The following PPM1K variants were observed in gnomAD, a reference collection of about 807,000 sequenced individuals.
The protein encoded by PPM1K is protein phosphatase Mn(2+)-dependent 1K.
Under a neutral mutation model 32.6 loss-of-function variants are expected in PPM1K, and 19 were observed. The ratio of observed to expected loss-of-function variants is 0.58; its 90% confidence interval spans 0.41 to 0.86. The LOEUF is 0.86. PPM1K is among the 40% of genes least tolerant of loss of function. The probability of loss-of-function intolerance (pLI) is 0.00; values close to 1 mark genes in which losing one functional copy is unlikely to be tolerated. For missense variants in PPM1K, 362 were observed against 461.2 expected, an observed-to-expected ratio of 0.78 and a Z score of 1.97; for synonymous variants, 159 against 165.3, an observed-to-expected ratio of 0.96 and a Z score of 0.29.
chr4:88,277,028 A>G (rs894580087), intron 3 of PPM1K, 115 bp downstream of exon 3: 2 of 835,180 alleles, frequency 2.4e-6, no homozygotes, highest in South Asian at 3.7e-5. Flanking sequence ...ATAAATCCTT[A>G]CAAACAATTG....
rs375385989 is a variant in PPM1K, at chr4:88,259,265, CAAA to C, written c.*3327_*3329del. On this transcript the variant is annotated 3_prime_UTR_variant, in exon 7 of 7. Transcript: ENST00000608933. Reference sequence around the variant, plus strand: ...TGTGTGACAGAGTGAGACTCCATCTCAAAAAAAAAAAAAAAGAAATACAAAATC... The same window carrying C: ...TGTGTGACAGAGTGAGACTCCATCTCAAAAAAAAAAAAGAAATACAAAATC... The C allele has an allele frequency of 3.6e-5, 4 of 110,514 alleles. No individual in the cohort carries two copies. The highest frequency in any genetic ancestry group is 3.6e-5 in the Non-Finnish European group (2 of 55,848). The allele number at this position is 110,514 out of a possible 1,614,324, so 6.8% of individuals were successfully genotyped here. A position where few individuals can be genotyped will look rare whatever the true frequency, so the allele number is the denominator to read the frequency against.
chr4:88,271,180 G>GCACAC (rs923964730), intron 3 of PPM1K: 1 of 508,434 alleles, frequency 2.0e-6, no homozygotes. Flanking sequence ...TGCTGACCAG[G>GCACAC]CACAGTTCTC....
chr4:88,270,132 A>G (rs1011146256), intron 3 of PPM1K, among the ~76,000 whole-genome samples: 1 of 152,198 alleles, frequency 6.6e-6, no homozygotes, highest in African/African-American at 2.4e-5. Context: ...TTAAGACTCA[A>G]TCTTTCCAAG....
intron 3 of PPM1K, 146 bp downstream of exon 3, chr4:88,276,997 T>C (rs1731790817): frequency 2.9e-6 from 2 of 696,466 alleles, no homozygotes; most frequent in Non-Finnish European, 4.7e-6. Flanking sequence ...AATGTGATTC[T>C]TCATATAAAC....
At chr4:88,272,121 C>G (rs534602609) in intron 3 of PPM1K, among the ~76,000 whole-genome samples, 1 of 152,120 alleles carries the variant, frequency 6.6e-6, no homozygotes, top group East Asian at 1.9e-4. Context: ...ATGTATAAAC[C>G]AATACAGTTT....
rs1731251352 is a variant in PPM1K at position 88,265,031 on chromosome 4, G to A, written c.957C>T (p.Pro319=). The A allele has an allele frequency of 6.2e-7, 1 of 1,614,004 alleles. No individual in the cohort carries two copies. The highest frequency in any genetic ancestry group is 8.5e-7 in the Non-Finnish European group (1 of 1,180,020). ...CAGTCACCGCATGGGCTGCTTCGTT[G>A]GGATCATGGCACTGATTGACAAAGT... The part of the protein sequence containing the change: ...ICDFVNQCHD[P]NEAAHAVTEQ... The change falls in exon 6 of 7, where the codon CCC becomes CCT. Residue 319 remains proline (P), a synonymous_variant. Coordinates refer to ENST00000608933, the MANE Select transcript of PPM1K (RefSeq NM_152542.5).
chr4:88,268,128 G>T, intron 5 of PPM1K, 62 bp downstream of exon 5: 1 of 1,552,874 alleles, frequency 6.4e-7, no homozygotes, highest in Non-Finnish European at 8.8e-7. Flanking sequence ...GAAAGGTGCA[G>T]CAGAGACAAT....
Position 88,265,030 on chromosome 4 carries a change from T to G in PPM1K, c.958A>C (p.Asn320His). 4 of 1,614,172 alleles carry G rather than the reference T, an allele frequency of 2.5e-6. No individual in the cohort carries two copies. The highest frequency in any genetic ancestry group is 3.4e-6 in the Non-Finnish European group (4 of 1,180,032). ...CDFVNQCHDP[N>H]EAAHAVTEQA... is the part of the protein sequence containing the mutation. The stretch of plus-strand genomic sequence containing the variant: ...TCAGTCACCGCATGGGCTGCTTCGT[T>G]GGGATCATGGCACTGATTGACAAAG... The change falls in exon 6 of 7, where the codon AAC (asparagine) becomes CAC (histidine). Residue 320 changes from asparagine (N) to histidine (H), a missense_variant. Transcript: ENST00000608933.
chr4:88,283,178 G>A (rs373004696), intron 1 of PPM1K, among the ~76,000 whole-genome samples: 1 of 152,122 alleles, frequency 6.6e-6, no homozygotes, highest in African/African-American at 2.4e-5. Flanking sequence ...GCAGTGGTGC[G>A]ATCTCGGCTC....
rs145342890 is a variant in PPM1K at position 88,274,513 on chromosome 4, G to A, written c.541+2630C>T. Among the ~76,000 whole-genome samples, 27 of 152,252 alleles carry A rather than the reference G, an allele frequency of 1.8e-4. 1 individual carries two copies. Among genetic ancestry groups the A allele is most frequent in the East Asian group, 5.8e-4 (3 of 5,174 alleles). ...TCACCTCACAGGAAGGGTTCAAGAA[G>A]AGGGGAAAGGGGTTAATACTAAAAG... On this transcript the variant is annotated intron_variant, in intron 3 of 6. Coordinates refer to ENST00000608933, the MANE Select transcript of PPM1K (RefSeq NM_152542.5).
chr4:88,278,302 A>G lies in PPM1K; in HGVS notation c.282T>C (p.Asn94=). The change falls in exon 2 of 7, where the codon AAT becomes AAC. Residue 94 remains asparagine (N), a synonymous_variant. Coordinates refer to ENST00000608933, the MANE Select transcript of PPM1K (RefSeq NM_152542.5). This position sits in a 1 kb window ranked among gnomAD's most constrained non-coding sequence, Gnocchi z 4.2. ...GKPIPKISLE[N]VGCASQIGKR... is the part of the protein sequence containing the mutation. Reference sequence around the variant, plus strand: ...TGCCAATCTGTGAGGCGCACCCCACATTTTCCAAGCTGATTTTGGGAATTG... The same window carrying G: ...TGCCAATCTGTGAGGCGCACCCCACGTTTTCCAAGCTGATTTTGGGAATTG... The G allele has an allele frequency of 6.2e-7, 1 of 1,614,058 alleles. No individual in the cohort carries two copies. The highest frequency in any genetic ancestry group is 1.1e-5 in the South Asian group (1 of 91,074).
chr4:88,268,664 G>A (rs1041927040), intron 4 of PPM1K, 77 bp downstream of exon 4: 6 of 1,381,006 alleles, frequency 4.3e-6, no homozygotes, highest in Non-Finnish European at 6.0e-6. Flanking sequence ...ACTTAACCAT[G>A]ACATCAGTTT....
intron 3 of PPM1K, chr4:88,275,015 T>A: frequency 1.3e-6 from 1 of 741,390 alleles, no homozygotes; most frequent in Non-Finnish European, 1.6e-6. Context: ...TTTCTTTTAG[T>A]ACACACTAAG....
intron 6 of PPM1K, among the ~76,000 whole-genome samples, chr4:88,263,178 A>C (rs1317494478): frequency 6.6e-6 from 1 of 152,232 alleles, no homozygotes; most frequent in African/African-American, 2.4e-5. Flanking sequence ...AAGACAAAAA[A>C]ACTAGCCATA....
chr4:88,268,295 C>T lies in PPM1K; in HGVS notation c.747G>A (p.Leu249=). Residue 249 remains leucine (L), a synonymous_variant, in exon 5 of 7, where the codon TTG becomes TTA. Coordinates refer to ENST00000608933, the MANE Select transcript of PPM1K (RefSeq NM_152542.5). ...GCCTGCCATTTACGTGAGGCTGCCC[C>T]AAACTATTCCAAGCTACAAAACCAC... The part of the protein sequence containing the change: ...KCGGFVAWNS[L]GQPHVNGRLA... 1.9e-6 allele frequency: 3 copies of T among 1,614,124 alleles called. No homozygotes were observed. The highest frequency in any genetic ancestry group is 2.5e-6 in the Non-Finnish European group (3 of 1,180,012).
At position 88,260,031 on chromosome 4, in the gene PPM1K, C is replaced by T. The variant is rs936195214; in HGVS notation, c.*2564G>A. The T allele has an allele frequency of 2.6e-5, 4 of 152,156 alleles. No individual in the cohort carries two copies. Among genetic ancestry groups the T allele is most frequent in the African/African-American group, 7.2e-5 (3 of 41,444 alleles). The allele number at this position is 152,156 out of a possible 1,614,324, so 9.4% of individuals were successfully genotyped here. Reference sequence around the variant, plus strand: ...GAATAGTAATGTAAAGCATTCAAAACAAAAATGAAACCTGCATATTTGTTT... The same window carrying T: ...GAATAGTAATGTAAAGCATTCAAAATAAAAATGAAACCTGCATATTTGTTT... On this transcript the variant is annotated 3_prime_UTR_variant, in exon 7 of 7. Transcript: ENST00000608933.
chr4:88,270,843 A>C, intron 3 of PPM1K, among the ~76,000 whole-genome samples: 1 of 152,238 alleles, frequency 6.6e-6, no homozygotes, highest in Non-Finnish European at 1.5e-5. Context: ...CTTCAAAACT[A>C]ACTGTCAATT....
rs1221722422 is a variant in PPM1K, at chr4:88,259,921, C to T, written c.*2674G>A. 3 of 152,230 alleles carry T rather than the reference C, an allele frequency of 2.0e-5. No individual in the cohort carries two copies. The highest frequency in any genetic ancestry group is 7.2e-5 in the African/African-American group (3 of 41,440). The allele number at this position is 152,230 out of a possible 1,614,324, so 9.4% of individuals were successfully genotyped here. ...AAAAAACAAAAACAGACAAACTTGG[C>T]TATCTACCTCAATCCATCAATCACC... On this transcript the variant is annotated 3_prime_UTR_variant, in exon 7 of 7. Transcript: ENST00000608933.
At chr4:88,265,226 C>T (rs1275440833) in intron 5 of PPM1K, 91 bp from the exon 6 acceptor site, 37 of 1,478,876 alleles carry the variant, frequency 2.5e-5, no homozygotes, top group African/African-American at 6.9e-5. Context: ...TTTTGCTAAG[C>T]GGTCATCTGT....
Sources: gnomAD v4.1 joint callset for allele counts (sites outside exome capture counted in the v4.1 genomes callset) on GRCh38, gnomAD v4.1.1 for gene constraint, Gnocchi (gnomAD v3.1) non-coding constraint, MANE v1.5 for transcripts, NCBI Gene and HGNC (gene_info 2026-07-23, HGNC 2026-07-21) for gene names.